The following PEBP4 variants were observed in gnomAD, a reference collection of about 807,000 sequenced individuals.
PEBP4 encodes the protein phosphatidylethanolamine binding protein 4, also known as phosphatidylethanolamine-binding protein 4.
Under a neutral mutation model 23.9 loss-of-function variants are expected in PEBP4, and 22 were observed. The ratio of observed to expected loss-of-function variants is 0.92; its 90% CI spans 0.66 to 1.31. The LOEUF (loss-of-function observed/expected upper bound fraction) is 1.31. Ranked by LOEUF, PEBP4 falls within the 40% of genes most tolerant of loss-of-function variation. The probability of loss-of-function intolerance (pLI) is 0.00; values close to 1 mark genes in which losing one functional copy is unlikely to be tolerated. For missense variants in PEBP4, 324 were observed against 281.7 expected (o/e 1.15, Z -1.07); for synonymous variants, 112 against 99.3 (o/e 1.13, Z -0.76).
chr8:22,875,649 G>C (rs562623942), intron 3 of PEBP4, among the ~76,000 whole-genome samples: 10 of 152,130 alleles, frequency 6.6e-5, no homozygotes, highest in Non-Finnish European at 1.2e-4. Flanking sequence ...GTCTGCGAAG[G>C]CTGAAGCTGG....
intron 4 of PEBP4, among the ~76,000 whole-genome samples, chr8:22,751,968 C>T (rs538523484): frequency 3.9e-5 from 6 of 152,210 alleles, no homozygotes; most frequent in Admixed American, 3.3e-4. Flanking sequence ...TTGATCATAG[C>T]GCACTGCAGC....
intron 4 of PEBP4, among the ~76,000 whole-genome samples, chr8:22,786,086 C>A (rs1413639457): frequency 6.6e-6 from 1 of 152,212 alleles, no homozygotes; most frequent in Non-Finnish European, 1.5e-5. Context: ...TCCTGGCTGT[C>A]TTTCCCTTCC....
chr8:22,741,479 A>G (rs973173588), intron 4 of PEBP4, among the ~76,000 whole-genome samples: 1 of 152,158 alleles, frequency 6.6e-6, no homozygotes, highest in Non-Finnish European at 1.5e-5. Context: ...CAATCATAGC[A>G]AAAAAACCCT....
At chr8:22,822,515 T>G (rs935491924) in intron 3 of PEBP4, among the ~76,000 whole-genome samples, 1 of 152,154 alleles carries the variant, frequency 6.6e-6, no homozygotes, top group African/African-American at 2.4e-5. Context: ...ATATGCCCTC[T>G]CTCTTTTCCT....
At chr8:22,786,510 C>CT (rs1209759783) in intron 4 of PEBP4, among the ~76,000 whole-genome samples, 1 of 152,050 alleles carries the variant, frequency 6.6e-6, no homozygotes, top group Admixed American at 6.5e-5. Context: ...TCTCGAGCTC[C>CT]TAGCCTCAAG....
chr8:22,822,043 C>T (rs1174595590), intron 3 of PEBP4, among the ~76,000 whole-genome samples: 1 of 150,056 alleles, frequency 6.7e-6, no homozygotes, highest in Admixed American at 6.6e-5. Context: ...AGGGGAGTTA[C>T]TGTCATAGAT....
upstream of PEBP4, among the ~76,000 whole-genome samples, chr8:22,930,209 A>C (rs1050503067): frequency 3.3e-5 from 5 of 152,030 alleles, no homozygotes; most frequent in African/African-American, 1.2e-4. Flanking sequence ...CGGGTTCCTC[A>C]AGCTCCTTTC....
intron 4 of PEBP4, among the ~76,000 whole-genome samples, chr8:22,762,117 G>T (rs149702758): frequency 6.7e-6 from 1 of 149,136 alleles, no homozygotes; most frequent in East Asian, 2.0e-4. Context: ...AATTTAAATC[G>T]GCAAAAAAAT....
chr8:22,758,091 T>C (rs887588515), intron 4 of PEBP4: 1 of 152,206 alleles, frequency 6.6e-6, no homozygotes, highest in Non-Finnish European at 1.5e-5. Context: ...GAAAGAGACA[T>C]TGTGTGTGAA....
Position 22,751,549 on chromosome 8 carries a change from T to C in PEBP4, c.358-24329A>G, listed in dbSNP as rs574527935. Reference sequence around the variant, plus strand: ...AGGCCCCAAATCATTGCTGGGCTGCTGAAACAGGAGGCTTTGACTTGGATA... The same window carrying C: ...AGGCCCCAAATCATTGCTGGGCTGCCGAAACAGGAGGCTTTGACTTGGATA... On this transcript the variant is annotated intron_variant, in intron 4 of 6. Transcript: ENST00000256404. Among the ~76,000 whole-genome samples the C allele has an allele frequency of 4.6e-5, 7 of 151,888 alleles. No homozygotes were observed. The South Asian group carries it at 1.5e-3, about 32-fold the overall frequency.
At chr8:22,905,493 C>G (rs1057490483) in intron 3 of PEBP4, among the ~76,000 whole-genome samples, 2 of 152,130 alleles carry the variant, frequency 1.3e-5, no homozygotes, top group Admixed American at 6.5e-5. Flanking sequence ...GTCCTTTGAC[C>G]TTATACCTAG....
intron 4 of PEBP4, among the ~76,000 whole-genome samples, chr8:22,804,307 G>A (rs557147541): frequency 6.6e-6 from 1 of 152,028 alleles, no homozygotes; most frequent in Non-Finnish European, 1.5e-5. Flanking sequence ...CTCCACCCTG[G>A]GCAACAGAAT....
At chr8:22,856,661 A>G (rs1807658958) in intron 3 of PEBP4, among the ~76,000 whole-genome samples, 1 of 152,206 alleles carries the variant, frequency 6.6e-6, no homozygotes, top group South Asian at 2.1e-4. Flanking sequence ...GGTTTCTGTG[A>G]ACCGAGATTG....
intron 4 of PEBP4, chr8:22,745,440 C>T (rs1805092268): frequency 6.6e-6 from 1 of 152,222 alleles, no homozygotes; most frequent in African/African-American, 2.4e-5. Context: ...TCACGGATCC[C>T]AGGCTGAGAC....
intron 4 of PEBP4, among the ~76,000 whole-genome samples, chr8:22,802,073 T>TC (rs1806394339): frequency 6.6e-6 from 1 of 151,736 alleles, no homozygotes. Flanking sequence ...CTGCTGCCCC[T>TC]CCCCCCACCT....
intron 3 of PEBP4, among the ~76,000 whole-genome samples, chr8:22,846,821 G>C (rs909350311): frequency 3.3e-5 from 5 of 152,266 alleles, no homozygotes; most frequent in East Asian, 3.9e-4. Context: ...GGGCCAAATA[G>C]AGATTGCCTG....
chr8:22,905,666 A>G (rs1190525553), intron 3 of PEBP4, among the ~76,000 whole-genome samples: 1 of 152,240 alleles, frequency 6.6e-6, no homozygotes, highest in Non-Finnish European at 1.5e-5. Flanking sequence ...GTCCGGAGGC[A>G]GGAGCCTGCC....
chr8:22,772,494 T>TCTC (rs35225879), intron 4 of PEBP4, among the ~76,000 whole-genome samples: 1,294 of 20,754 alleles, frequency 0.062, 12 homozygotes, highest in African/African-American at 0.1. Flanking sequence ...TCTCTCTCTC[T>TCTC]TTTTTTTTTT....
chr8:22,852,847 C>T (rs1368939213), intron 3 of PEBP4, among the ~76,000 whole-genome samples: 1 of 152,094 alleles, frequency 6.6e-6, no homozygotes, highest in Non-Finnish European at 1.5e-5. Flanking sequence ...ATGCAAAATG[C>T]TAAGATGCGT....
Sources: allele counts gnomAD v4.1 joint callset (sites outside exome capture counted in the v4.1 genomes callset), GRCh38; gene constraint gnomAD v4.1.1; transcripts MANE v1.5; gene names NCBI Gene and HGNC (gene_info 2026-07-23, HGNC 2026-07-21).